Variants in DGKB observed in about 807,000 individuals in gnomAD.
The protein encoded by DGKB is diacylglycerol kinase beta, also known as 90 kDa diacylglycerol kinase.
In DGKB, 67 loss-of-function variants were observed where a neutral mutation model predicts 114.3. The observed-to-expected ratio is 0.59, with a 90% CI of 0.48 to 0.72. The LOEUF is 0.72. DGKB is among the 30% of genes least tolerant of loss of function. DGKB has a pLI of 0.00. For synonymous variants in DGKB, 398 were observed against 323.1 expected (o/e 1.23, Z -2.49); for missense variants, 907 against 975.2 (o/e 0.93, Z 0.93).
chr7:14,555,449 A>G (rs764290383), intron 20 of DGKB, among the ~76,000 whole-genome samples: 12 of 152,248 alleles, frequency 7.9e-5, no homozygotes, highest in Non-Finnish European at 1.5e-4. Context: ...CATTGAATCA[A>G]AAACAATCCC....
intron 21 of DGKB, among the ~76,000 whole-genome samples, chr7:14,438,924 A>C (rs1045699330): frequency 2.7e-5 from 4 of 146,438 alleles, no homozygotes; most frequent in Non-Finnish European, 4.5e-5. Context: ...AATTTCTAAG[A>C]CTTTTTTTTT....
intron 23 of DGKB, among the ~76,000 whole-genome samples, chr7:14,181,579 G>C (rs556961627): frequency 6.6e-6 from 1 of 152,302 alleles, no homozygotes; most frequent in South Asian, 2.1e-4. Context: ...CATTGCCTCT[G>C]GTTGGCTTCC....
At chr7:14,659,073 C>A (rs1354088096) in intron 13 of DGKB, among the ~76,000 whole-genome samples, 1 of 151,888 alleles carries the variant, frequency 6.6e-6, no homozygotes, top group African/African-American at 2.4e-5. Flanking sequence ...CTCCCCTAAC[C>A]CCCTACCACT....
chr7:14,303,000 G>C (rs1803828210), intron 23 of DGKB, among the ~76,000 whole-genome samples: 1 of 152,072 alleles, frequency 6.6e-6, no homozygotes, highest in Non-Finnish European at 1.5e-5. Flanking sequence ...GAGAAGCTTA[G>C]GATCTCATCA....
intron 4 of DGKB, among the ~76,000 whole-genome samples, chr7:14,752,681 A>C (rs1300885191): frequency 6.6e-6 from 1 of 152,184 alleles, no homozygotes; most frequent in Non-Finnish European, 1.5e-5. Flanking sequence ...AAAAGGAAGG[A>C]AGAAACTCAC....
chr7:14,167,210 CAAA>C (rs34278386), intron 25 of DGKB, among the ~76,000 whole-genome samples: 3 of 99,394 alleles, frequency 3.0e-5, no homozygotes, highest in East Asian at 3.0e-4. Context: ...GACTCCATCT[CAAA>C]AAAAAAAAAA....
chr7:14,676,873 A>T (rs1342363915), intron 12 of DGKB, among the ~76,000 whole-genome samples: 1 of 152,092 alleles, frequency 6.6e-6, no homozygotes, highest in Non-Finnish European at 1.5e-5. Context: ...TTAAAATTTA[A>T]AAAAACATTT....
Position 14,878,674 on chromosome 7 carries a change from G to A in DGKB, c.-188+23918C>T, listed in dbSNP as rs1174972069. 2.6e-5 allele frequency among the ~76,000 whole-genome samples: 4 copies of A among 151,212 alleles called. No homozygotes were observed. The South Asian group carries it at 6.3e-4, about 24-fold the overall frequency. On this transcript the variant is annotated intron_variant, in intron 1 of 25. Transcript: ENST00000402815. ...TGAGGCAGGAGAATGGCGTGAACCC[G>A]GGAGGCGGAGCTTGCAGTGAGCCGA...
At chr7:14,255,872 C>T (rs919183061) in intron 23 of DGKB, among the ~76,000 whole-genome samples, 3 of 152,182 alleles carry the variant, frequency 2.0e-5, no homozygotes, top group Non-Finnish European at 2.9e-5. Flanking sequence ...TGCTCCAACC[C>T]CAACAAACCT....
intron 25 of DGKB, among the ~76,000 whole-genome samples, chr7:14,164,356 A>G (rs1368062209): frequency 6.6e-6 from 1 of 152,204 alleles, no homozygotes; most frequent in Non-Finnish European, 1.5e-5. Flanking sequence ...ACTTTTAACT[A>G]GAAAATAATA....
intron 21 of DGKB, among the ~76,000 whole-genome samples, chr7:14,432,081 T>C (rs1303701659): frequency 6.6e-6 from 1 of 152,162 alleles, no homozygotes; most frequent in Non-Finnish European, 1.5e-5. Context: ...CATTTTTATT[T>C]CTGTTGATAA....
chr7:14,542,415 C>G (rs910497823), intron 20 of DGKB, among the ~76,000 whole-genome samples: 1 of 152,110 alleles, frequency 6.6e-6, no homozygotes, highest in African/African-American at 2.4e-5. Flanking sequence ...CTTGTACTAC[C>G]CGTATTCTCT....
intron 20 of DGKB, among the ~76,000 whole-genome samples, chr7:14,491,799 T>G (rs138026413): frequency 1.1e-3 from 166 of 152,210 alleles, no homozygotes; most frequent in African/African-American, 3.8e-3. Flanking sequence ...AGAATAATAT[T>G]ATTTTAACTG....
At chr7:14,577,520 G>A (rs1024954735) in intron 19 of DGKB, among the ~76,000 whole-genome samples, 10 of 152,280 alleles carry the variant, frequency 6.6e-5, no homozygotes, top group Admixed American at 6.5e-5. Context: ...GGGAGGCTGA[G>A]GCAGGAGAAT....
chr7:14,348,144 C>A (rs943811309), intron 21 of DGKB, among the ~76,000 whole-genome samples: 1 of 151,626 alleles, frequency 6.6e-6, no homozygotes, highest in Non-Finnish European at 1.5e-5. Flanking sequence ...CTTTTATAAC[C>A]ACCCCCACTT....
At chr7:14,828,252 A>C (rs1472442659) in intron 2 of DGKB, among the ~76,000 whole-genome samples, 1 of 152,160 alleles carries the variant, frequency 6.6e-6, no homozygotes, top group Non-Finnish European at 1.5e-5. Context: ...CCTAGTGCCA[A>C]GCTCTGCCCG....
At chr7:14,925,820 T>C (rs906339120) in intron 1 of DGKB, among the ~76,000 whole-genome samples, 2 of 152,124 alleles carry the variant, frequency 1.3e-5, no homozygotes, top group African/African-American at 4.8e-5. Context: ...TCTATGTGAT[T>C]TTCTATGTGG....
intron 13 of DGKB, among the ~76,000 whole-genome samples, chr7:14,640,278 C>A (rs186473062): frequency 6.6e-6 from 1 of 151,948 alleles, no homozygotes; most frequent in African/African-American, 2.4e-5. Context: ...ATGTGGAATT[C>A]CAGGAGAATT....
chr7:14,241,957 TACACAC>T (rs71033980), intron 23 of DGKB, among the ~76,000 whole-genome samples: 77,562 of 147,986 alleles, frequency 0.52, 20,367 homozygotes, highest in African/African-American at 0.61. Context: ...CACACACATA[TACACAC>T]ACACACACAC....
Sources: gnomAD v4.1 joint callset for allele counts (sites outside exome capture counted in the v4.1 genomes callset) on GRCh38, gnomAD v4.1.1 for gene constraint, MANE v1.5 for transcripts, NCBI Gene and HGNC (gene_info 2026-07-23, HGNC 2026-07-21) for gene names.